Variants in COL6A5 observed in about 807,000 individuals in gnomAD.
COL6A5 encodes collagen type VI alpha 5 chain.
In COL6A5, 48 loss-of-function variants were observed where a neutral mutation model predicts 65.6. The ratio of observed to expected loss-of-function variants is 0.73; its 90% CI spans 0.58 to 0.93. COL6A5 has a LOEUF of 0.93. Among genes scored for constraint, COL6A5 ranks in the 40% least tolerant of loss-of-function variants. The pLI, the probability that COL6A5 is intolerant of heterozygous loss-of-function variation, is 0.00. For missense variants in COL6A5, 914 were observed against 928.3 expected, an observed-to-expected ratio of 0.98 and a Z score of 0.20; for synonymous variants, 291 against 322.8, an observed-to-expected ratio of 0.90 and a Z score of 1.05.
chr3:130,446,141 AG>A (rs1261246680), intron 4 of COL6A5, among the ~76,000 whole-genome samples: 1 of 152,140 alleles, frequency 6.6e-6, no homozygotes, highest in Non-Finnish European at 1.5e-5. Context: ...CGAGGCACAG[AG>A]GGGGGTATTT....
chr3:130,391,416 G>A, exon 7 of COL6A5: 2 of 1,551,686 alleles, frequency 1.3e-6, no homozygotes, highest in Non-Finnish European at 1.7e-6. Flanking sequence ...CGGAAGCGCA[G>A]GGACACTGGA....
At chr3:130,395,871 A>C (rs1324784339) in intron 8 of COL6A5, among the ~76,000 whole-genome samples, 2 of 151,378 alleles carry the variant, frequency 1.3e-5, no homozygotes, top group Non-Finnish European at 2.9e-5. Context: ...TTGTTAAGCC[A>C]TCTTGTAAGG....
At chr3:130,439,732 T>G in intron 2 of COL6A5, 117 bp downstream of exon 34, 1 of 735,298 alleles carries the variant, frequency 1.4e-6, no homozygotes, top group African/African-American at 1.8e-5. Context: ...TATTTTCAGT[T>G]TTCTAGTTTT....
At chr3:130,477,294 T>G in intron 7 of COL6A5, 1 of 463,026 alleles carries the variant, frequency 2.2e-6, no homozygotes, top group South Asian at 4.7e-5. Context: ...TATCTAAGTT[T>G]GATCATCTAT....
chr3:130,398,511 T>A (rs1936696459), intron 10 of COL6A5, among the ~76,000 whole-genome samples: 1 of 152,214 alleles, frequency 6.6e-6, no homozygotes, highest in African/African-American at 2.4e-5. Context: ...TCTTGAGATC[T>A]GCCTAGCTAC....
In COL6A5 at chr3:130,403,590, G is replaced by T. The variant is rs545141463; in HGVS notation, c.4228-19G>T. The T allele has an allele frequency of 2.6e-6, 4 of 1,548,342 alleles. No homozygotes were observed. Among genetic ancestry groups the T allele is most frequent in the African/African-American group, 2.7e-5 (2 of 72,794 alleles). On this transcript the variant is annotated intron_variant and NMD_transcript_variant, in intron 12 of 41. Transcript: ENST00000312481. ...TGGGGGGGGGTGACTAAAATGTATT[G>T]TTCTCTCTTTCTTCCCAGGGTTCTC...
chr3:130,431,004 A>G (rs1194665196), upstream of COL6A5, among the ~76,000 whole-genome samples: 1 of 152,184 alleles, frequency 6.6e-6, no homozygotes, highest in Non-Finnish European at 1.5e-5. Flanking sequence ...ATCATTTCAG[A>G]AGATTTTGGG....
At chr3:130,389,221 C>A in intron 6 of COL6A5, 87 bp downstream of exon 6, 1 of 825,430 alleles carries the variant, frequency 1.2e-6, no homozygotes, top group Non-Finnish European at 1.7e-6. Flanking sequence ...CTGGCCCTGA[C>A]CTCCACCTGG....
At chr3:130,402,891 C>T (rs975248548) in intron 12 of COL6A5, among the ~76,000 whole-genome samples, 1 of 152,122 alleles carries the variant, frequency 6.6e-6, no homozygotes, top group African/African-American at 2.4e-5. Context: ...AAGAGATCAA[C>T]AATACTTGCT....
intron 17 of COL6A5, among the ~76,000 whole-genome samples, chr3:130,406,727 C>A (rs1322578203): frequency 6.6e-6 from 1 of 151,800 alleles, no homozygotes; most frequent in East Asian, 1.9e-4. Context: ...GCTTTGGTAG[C>A]AAATCACTGT....
chr3:130,358,513 T>C (rs1935000862), intron 1 of COL6A5, among the ~76,000 whole-genome samples: 1 of 152,212 alleles, frequency 6.6e-6, no homozygotes, highest in Admixed American at 6.5e-5. Flanking sequence ...CACATAAAAA[T>C]AAATGCAAAG....
chr3:130,388,891 C>A (rs528984870), exon 6 of COL6A5: 1 of 1,548,364 alleles, frequency 6.5e-7, no homozygotes, highest in South Asian at 1.2e-5. Context: ...CAAGGGGGCC[C>A]GTTTGGGGGC....
At chr3:130,397,084 G>A (rs1294656079) in intron 8 of COL6A5, among the ~76,000 whole-genome samples, 1 of 151,986 alleles carries the variant, frequency 6.6e-6, no homozygotes, top group African/African-American at 2.4e-5. Context: ...AGCCAGGATG[G>A]TCTCGATCTC....
chr3:130,401,889 T>G, intron 12 of COL6A5, 35 bp downstream of exon 12: 1 of 1,460,960 alleles, frequency 6.8e-7, no homozygotes, highest in East Asian at 2.5e-5. Context: ...TTATCTAATG[T>G]GCCTTGATTT....
chr3:130,480,281 G>T (rs1710202538), intron 7 of COL6A5, among the ~76,000 whole-genome samples: 1 of 151,862 alleles, frequency 6.6e-6, no homozygotes, highest in Non-Finnish European at 1.5e-5. Context: ...TATATATGTT[G>T]TTTTGATAAA....
chr3:130,393,079 TGTG>T, intron 7 of COL6A5, among the ~76,000 whole-genome samples: 1 of 31,660 alleles, frequency 3.2e-5, no homozygotes, highest in Non-Finnish European at 6.4e-5. Flanking sequence ...TTTTTTTTTG[TGTG>T]TGTGTGTGTG....
upstream of COL6A5, chr3:130,426,501 A>G (rs1366510831): frequency 2.5e-6 from 3 of 1,204,870 alleles, no homozygotes; most frequent in South Asian, 2.6e-5. Flanking sequence ...GGATGAGTTC[A>G]CTGGTGGGAA....
At chr3:130,358,641 T>C (rs947575811) in intron 1 of COL6A5, among the ~76,000 whole-genome samples, 2 of 152,182 alleles carry the variant, frequency 1.3e-5, no homozygotes, top group African/African-American at 4.8e-5. Context: ...TGTGGTAATG[T>C]GGAATTTTTT....
At chr3:130,424,814 A>G (rs748754467) in intron 29 of COL6A5, among the ~76,000 whole-genome samples, 1 of 152,070 alleles carries the variant, frequency 6.6e-6, no homozygotes, top group African/African-American at 2.4e-5. Context: ...CTCTGGGCCA[A>G]TCTGGTCTGT....
Sources: allele counts gnomAD v4.1 joint callset (sites outside exome capture counted in the v4.1 genomes callset), GRCh38; gene constraint gnomAD v4.1.1; transcripts MANE v1.5; gene names NCBI Gene and HGNC (gene_info 2026-07-23, HGNC 2026-07-21).